Variants in SEC14L2 observed in about 807,000 individuals in gnomAD.
The protein encoded by SEC14L2 is SEC14 like lipid binding 2, also known as SEC14-like protein 2.
SEC14L2 carries 50 observed loss-of-function variants against 56.9 expected under a neutral mutation model. The observed-to-expected ratio is 0.88, with a 90% CI of 0.70 to 1.11. The LOEUF is 1.11. Among genes scored for constraint, SEC14L2 ranks in the 50% most tolerant of loss-of-function variants. The probability of loss-of-function intolerance (pLI) is 0.00; values close to 1 mark genes in which losing one functional copy is unlikely to be tolerated. For missense variants in SEC14L2, 414 were observed against 500.7 expected (o/e 0.83, Z 1.65); for synonymous variants, 179 against 188.5 (o/e 0.95, Z 0.41).
In SEC14L2 at chr22:30,407,425, A is replaced by G. The variant is rs1934126617; in HGVS notation, c.245A>G (p.Gln82Arg). The change falls in exon 5 of 12, where the codon CAG (glutamine) becomes CGG (arginine). Residue 82 changes from glutamine (Q) to arginine (R), a missense_variant. Physicochemically the swap from Gln to Arg is conservative, Grantham distance 43. Transcript: ENST00000615189. The stretch of plus-strand genomic sequence containing the variant: ...TGTGTCTTTGCCCAGGTGATCCAAC[A>G]GTATCTGTCAGGGGGTATGTGTGGC... ...ISWQPPEVIQ[Q>R]YLSGGMCGYD... 16 of 1,613,330 alleles carry G rather than the reference A, an allele frequency of 9.9e-6. No homozygotes were observed. Among genetic ancestry groups the G allele is most frequent in the Non-Finnish European group, 1.4e-5 (16 of 1,179,502 alleles).
At chr22:30,407,991 A>C (rs1258624549) in intron 5 of SEC14L2, among the ~76,000 whole-genome samples, 1 of 151,956 alleles carries the variant, frequency 6.6e-6, no homozygotes, top group Non-Finnish European at 1.5e-5. Context: ...CATCATTAAC[A>C]CCCAAAACTA....
At chr22:30,407,663 C>G (rs1462165023) in intron 5 of SEC14L2, 60 bp downstream of exon 5, 63 of 1,481,608 alleles carry the variant, frequency 4.3e-5, no homozygotes, top group Admixed American at 1.0e-4. Flanking sequence ...CCAGCAGAAG[C>G]AGGGATGTCA....
intron 7 of SEC14L2, among the ~76,000 whole-genome samples, 167 bp from the exon 8 acceptor site, chr22:30,410,429 T>A (rs1934217135): frequency 6.6e-6 from 1 of 152,238 alleles, no homozygotes; most frequent in African/African-American, 2.4e-5. Flanking sequence ...ACCTCAAAGA[T>A]GCCCATGCTG....
chr22:30,420,908 C>T (rs1220241017), intron 11 of SEC14L2: 1 of 152,172 alleles, frequency 6.6e-6, no homozygotes, highest in Non-Finnish European at 1.5e-5. Flanking sequence ...TGTTCCTCTG[C>T]CAAAGTGTGG....
chr22:30,415,698 T>G, intron 8 of SEC14L2, 61 bp from the exon 9 acceptor site: 6 of 1,457,712 alleles, frequency 4.1e-6, no homozygotes, highest in Non-Finnish European at 5.7e-6. Flanking sequence ...CCACTAGGGT[T>G]ATGGCGAAAT....
Position 30,409,182 on chromosome 22 carries a change from T to G in SEC14L2, c.424-5T>G, listed in dbSNP as rs199848515. 6.2e-7 allele frequency: 1 copy of G among 1,613,442 alleles called. No homozygotes were observed. The highest frequency in any genetic ancestry group is 1.3e-5 in the African/African-American group (1 of 75,044). On this transcript the variant is annotated splice_region_variant and splice_polypyrimidine_tract_variant and intron_variant, in intron 5 of 11. Transcript: ENST00000615189. ...ACAAGACTTCCTGCTCTCTGTTCCC[T>G]GCAGTTGGGGAGGAAGGTGGAGACC...
At chr22:30,416,664 G>A in intron 11 of SEC14L2, 2 of 1,425,944 alleles carry the variant, frequency 1.4e-6, no homozygotes, top group Non-Finnish European at 1.8e-6. Context: ...GATCACAGGG[G>A]TTCAACACGT....
At chr22:30,420,013 G>T (rs573655816) in intron 11 of SEC14L2, among the ~76,000 whole-genome samples, 2 of 151,672 alleles carry the variant, frequency 1.3e-5, no homozygotes, top group East Asian at 3.9e-4. Context: ...GAATGTAATG[G>T]CTCGATCTCG....
At position 30,416,244 on chromosome 22, in the gene SEC14L2, A is replaced by G. The variant is rs1934387603; in HGVS notation, c.922A>G (p.Met308Val). The change falls in exon 11 of 12, where the codon ATG becomes GTG. Residue 308 changes from methionine (M) to valine (V), a missense_variant. Transcript: ENST00000615189. The stretch of plus-strand genomic sequence containing the variant: ...TGATATCCCCTGCAGGTGGCAGTTT[A>G]TGTCAGATGGAGCGGATGTTGGTTT... Reference protein sequence around the residue: ...FPGCVLRWQFMSDGADVGFGI... With the variant: ...FPGCVLRWQFVSDGADVGFGI... The G allele has an allele frequency of 1.2e-6, 2 of 1,614,038 alleles. No individual in the cohort carries two copies. Among genetic ancestry groups the G allele is most frequent in the South Asian group, 1.1e-5 (1 of 91,086 alleles).
chr22:30,422,555 A>C lies in SEC14L2; in HGVS notation c.*148A>C, dbSNP rs1295128305. On this transcript the variant is annotated 3_prime_UTR_variant, in exon 12 of 12. Coordinates refer to ENST00000615189, the MANE Select transcript of SEC14L2 (RefSeq NM_012429.5). ...AGCTTTCATTTCAGTTAGGCAGAGG[A>C]AGAGCGACTGCAGTGGGTCTCCGTG... is the stretch of plus-strand genomic sequence containing the variant. 1.1e-6 allele frequency: 1 copy of C among 948,256 alleles called. No individual in the cohort carries two copies. The highest frequency in any genetic ancestry group is 1.5e-6 in the Non-Finnish European group (1 of 648,608). The allele number at this position is 948,256 out of a possible 1,614,324, so 58.7% of individuals were successfully genotyped here. A position where few individuals can be genotyped will look rare whatever the true frequency, so the allele number is the denominator to read the frequency against.
At position 30,424,682 on chromosome 22, in the gene SEC14L2, G is replaced by T. The variant is rs988689575; in HGVS notation, c.*2275G>T. 8 of 456,196 alleles carry T rather than the reference G, an allele frequency of 1.8e-5. No individual in the cohort carries two copies. The highest frequency in any genetic ancestry group is 1.6e-4 in the African/African-American group (8 of 50,038). 28.3% of individuals were successfully genotyped at this position (456,196 alleles called of 1,614,324 possible). A position where few individuals can be genotyped will look rare whatever the true frequency, so the allele number is the denominator to read the frequency against. On this transcript the variant is annotated 3_prime_UTR_variant, in exon 12 of 12. Coordinates refer to ENST00000615189, the MANE Select transcript of SEC14L2 (RefSeq NM_012429.5). The stretch of plus-strand genomic sequence containing the variant: ...TTTTTTTTGCAGACGTGGGAACTGG[G>T]GCTCAGGGAGGCTAACAGCCAGTAG...
chr22:30,423,653 A>T lies in SEC14L2; in HGVS notation c.*1246A>T, dbSNP rs1196942264. The T allele has an allele frequency of 6.6e-6, 1 of 152,420 alleles. No individual in the cohort carries two copies. Among genetic ancestry groups the T allele is most frequent in the Non-Finnish European group, 1.5e-5 (1 of 68,172 alleles). 9.4% of individuals were successfully genotyped at this position (152,420 alleles called of 1,614,324 possible). ...GCGGGAACGCCTTTCCCTCAGAGCC[A>T]GGCCCCGGCCCCGTCTGGGAAGCTC... is the stretch of plus-strand genomic sequence containing the variant. On this transcript the variant is annotated 3_prime_UTR_variant, in exon 12 of 12. Coordinates refer to ENST00000615189, the MANE Select transcript of SEC14L2 (RefSeq NM_012429.5).
In SEC14L2 at chr22:30,410,635, C is replaced by G; in HGVS notation, c.620C>G (p.Pro207Arg). ...CCTGTGGCCTATAACCTCATCAAAC[C>G]CTTCCTGAGTGAGGACACTCGTAAG... is the stretch of plus-strand genomic sequence containing the variant. ...LFPVAYNLIK[P>R]FLSEDTRKKI... is the part of the protein sequence containing the mutation. The change falls in exon 8 of 12, where the codon CCC (proline) becomes CGC (arginine). Residue 207 changes from proline (P) to arginine (R), a missense_variant. Pro to Arg is a moderately radical substitution (Grantham distance 103, BLOSUM62 -2). Coordinates refer to ENST00000615189, the MANE Select transcript of SEC14L2 (RefSeq NM_012429.5). 1 of 1,614,216 alleles carries G rather than the reference C, an allele frequency of 6.2e-7. No individual in the cohort carries two copies. Among genetic ancestry groups the G allele is most frequent in the Non-Finnish European group, 8.5e-7 (1 of 1,180,016 alleles).
chr22:30,406,382 G>A lies in SEC14L2; in HGVS notation c.171G>A (p.Arg57=), dbSNP rs1413118407. 6.2e-7 allele frequency: 1 copy of A among 1,614,066 alleles called. No individual in the cohort carries two copies. Among genetic ancestry groups the A allele is most frequent in the African/African-American group, 1.3e-5 (1 of 75,022 alleles). Residue 57 remains arginine, a synonymous_variant, in exon 3 of 12, where the codon CGG becomes CGA. Coordinates refer to ENST00000615189, the MANE Select transcript of SEC14L2 (RefSeq NM_012429.5). ...TGCAGAAGTCGGAGGCCATGCTCCG[G>A]AAGGTGAGACACATTTGGCTGTTGC... The part of the protein sequence containing the change: ...FDLQKSEAML[R]KHVEFRKQKD...
intron 10 of SEC14L2, 48 bp downstream of exon 10, chr22:30,416,135 C>T (rs763570088): frequency 6.2e-7 from 1 of 1,611,522 alleles, no homozygotes; most frequent in East Asian, 2.2e-5. Context: ...ATCTATAGGT[C>T]CTGATAGGTG....
chr22:30,404,772 G>A (rs759027976), intron 2 of SEC14L2, among the ~76,000 whole-genome samples: 1 of 152,132 alleles, frequency 6.6e-6, no homozygotes, highest in East Asian at 1.9e-4. Context: ...GTTGCCTGTT[G>A]CCAAGAAAGT....
At chr22:30,408,951 T>C (rs1934171672) in intron 5 of SEC14L2, 1 of 589,412 alleles carries the variant, frequency 1.7e-6, no homozygotes, top group South Asian at 1.8e-5. Context: ...TCAGATGTCA[T>C]CTAGATCCAC....
intron 8 of SEC14L2, 150 bp from the exon 9 acceptor site, chr22:30,415,609 G>C: frequency 1.5e-6 from 1 of 672,350 alleles, no homozygotes; most frequent in Non-Finnish European, 2.6e-6. Context: ...TGCATGCACT[G>C]TGTGCTCCTA....
rs551916114 is a variant in SEC14L2, at chr22:30,406,797, T to G, written c.175-298T>G. 2.6e-5 allele frequency among the ~76,000 whole-genome samples: 4 copies of G among 152,352 alleles called. No individual in the cohort carries two copies. In the East Asian group the frequency reaches 7.7e-4, roughly 29 times the overall value. ...CAGAGTCTCGCTCTGTCACCCAGGC[T>G]GGAGTGCAGCAGTGGCGCGATCTCA... On this transcript the variant is annotated intron_variant, in intron 3 of 11. Coordinates refer to ENST00000615189, the MANE Select transcript of SEC14L2 (RefSeq NM_012429.5).
Sources: allele counts gnomAD v4.1 joint callset (sites outside exome capture counted in the v4.1 genomes callset), GRCh38; gene constraint gnomAD v4.1.1; transcripts MANE v1.5; gene names NCBI Gene and HGNC (gene_info 2026-07-23, HGNC 2026-07-21).